FHIT: variants seen among roughly 807,000 people sequenced by gnomAD.
FHIT encodes bis(5'-adenosyl)-triphosphatase.
In FHIT, 19 loss-of-function variants were observed where a neutral mutation model predicts 17.9. The ratio of observed to expected loss-of-function variants is 1.06; its 90% CI spans 0.74 to 1.56. The LOEUF is 1.56. Among genes scored for constraint, FHIT ranks in the 40% most tolerant of loss-of-function variants. The pLI is 0.00. For missense variants in FHIT, 248 were observed against 189.2 expected, an observed-to-expected ratio of 1.31 and a Z score of -1.82; for synonymous variants, 81 against 69.7, an observed-to-expected ratio of 1.16 and a Z score of -0.81.
intron 1 of FHIT, among the ~76,000 whole-genome samples, chr3:61,211,260 G>A (rs995715966): frequency 6.6e-6 from 1 of 151,894 alleles, no homozygotes; most frequent in Non-Finnish European, 1.5e-5. Context: ...TCAAAGAAAG[G>A]GGTGACAGAC....
At chr3:60,682,093 T>C (rs749318176) in intron 4 of FHIT, among the ~76,000 whole-genome samples, 2 of 151,914 alleles carry the variant, frequency 1.3e-5, no homozygotes, top group Non-Finnish European at 2.9e-5. Context: ...TGCCTCAGCC[T>C]CCCAAGTACC....
At chr3:61,246,828 A>G (rs2040497996) in intron 1 of FHIT, among the ~76,000 whole-genome samples, 1 of 152,126 alleles carries the variant, frequency 6.6e-6, no homozygotes, top group African/African-American at 2.4e-5. Context: ...AAACCTGTAC[A>G]TTCTGTACAT....
intron 8 of FHIT, among the ~76,000 whole-genome samples, chr3:59,791,509 G>C (rs1454857967): frequency 6.6e-6 from 1 of 152,116 alleles, no homozygotes; most frequent in Non-Finnish European, 1.5e-5. Flanking sequence ...AATACTATTA[G>C]ACTTTTCAGT....
chr3:60,407,067 ATTTTT>A lies in FHIT; in HGVS notation c.103+129788_103+129792del, dbSNP rs34542104. 8.8e-3 allele frequency among the ~76,000 whole-genome samples: 551 copies of A among 62,896 alleles called. 5 individuals carry two copies. The highest frequency in any genetic ancestry group is 0.034 in the African/African-American group (486 of 14,378). The allele number at this position is 62,896 out of a possible 152,430, so 41.3% of individuals were successfully genotyped here. On this transcript the variant is annotated intron_variant, in intron 5 of 9. Transcript: ENST00000492590. ...GTGAACTACTCAAAGCCTGCCAATA[ATTTTT>A]TTTTTTTTTTTTTTTTTTTTTTGCT...
intron 7 of FHIT, among the ~76,000 whole-genome samples, chr3:59,963,657 G>C (rs1280493824): frequency 6.6e-6 from 1 of 152,160 alleles, no homozygotes; most frequent in South Asian, 2.1e-4. Context: ...AAGTAACTAA[G>C]TTTCAGAAAA....
At chr3:59,978,078 C>T (rs1034526538) in intron 7 of FHIT, among the ~76,000 whole-genome samples, 3 of 152,112 alleles carry the variant, frequency 2.0e-5, no homozygotes, top group African/African-American at 7.2e-5. Flanking sequence ...CTCAGTTCAT[C>T]CTCATAATAA....
intron 5 of FHIT, among the ~76,000 whole-genome samples, chr3:60,532,212 G>T (rs942550485): frequency 5.9e-5 from 9 of 152,164 alleles, no homozygotes; most frequent in African/African-American, 2.2e-4. Flanking sequence ...CACAAATGTT[G>T]CTGTGTCTCC....
chr3:60,053,855 G>T (rs1035675633), intron 5 of FHIT, among the ~76,000 whole-genome samples: 3 of 152,044 alleles, frequency 2.0e-5, no homozygotes, highest in African/African-American at 7.2e-5. Context: ...AACTCCAAAC[G>T]TTCAATAGAG....
At chr3:61,036,901 G>GTCTTTTTTTTTTTTTTTT (rs2033268337) in intron 3 of FHIT, among the ~76,000 whole-genome samples, 1 of 70,310 alleles carries the variant, frequency 1.4e-5, no homozygotes, top group Non-Finnish European at 3.9e-5. Context: ...AGTCTGCTTT[G>GTCTTTTTTTTTTTTTTTT]TTTTTTTTTT....
intron 5 of FHIT, among the ~76,000 whole-genome samples, chr3:60,516,198 G>C (rs914964539): frequency 6.6e-6 from 1 of 152,018 alleles, no homozygotes; most frequent in Admixed American, 6.6e-5. Context: ...TTAATTCCAA[G>C]TTAGAACTAA....
intron 5 of FHIT, among the ~76,000 whole-genome samples, chr3:60,252,449 A>C (rs946727815): frequency 2.0e-5 from 3 of 152,104 alleles, no homozygotes; most frequent in Admixed American, 6.5e-5. Context: ...CTGTAGTCCC[A>C]GCTACTAGAA....
chr3:61,091,815 C>A lies in FHIT; in HGVS notation c.-163-49716G>T, dbSNP rs2035491868. 2.0e-5 allele frequency among the ~76,000 whole-genome samples: 3 copies of A among 151,598 alleles called. No homozygotes were observed. The South Asian group carries it at 6.3e-4, about 32-fold the overall frequency. On this transcript the variant is annotated intron_variant, in intron 2 of 9. Transcript: ENST00000492590. ...TTTAGCTGGGCGTAGTGGCACCCAC[C>A]TGTAGTCCCAGTTACTAGGGAGGTT...
At chr3:59,981,456 C>T (rs181326956) in intron 7 of FHIT, among the ~76,000 whole-genome samples, 139 of 152,280 alleles carry the variant, frequency 9.1e-4, no homozygotes, top group African/African-American at 3.2e-3. Flanking sequence ...TGCCCTTGAA[C>T]TGTGCTCTCT....
At chr3:60,831,417 A>G (rs989865337) in intron 3 of FHIT, among the ~76,000 whole-genome samples, 2 of 152,150 alleles carry the variant, frequency 1.3e-5, no homozygotes, top group Non-Finnish European at 1.5e-5. Context: ...TGGCAGTTCA[A>G]AAAAACTCTT....
chr3:59,986,539 A>T (rs1362702327), intron 7 of FHIT, among the ~76,000 whole-genome samples: 33 of 2,140 alleles, frequency 0.015, no homozygotes, highest in Admixed American at 0.03. Flanking sequence ...ATATATATAT[A>T]TACACACACA....
At chr3:60,622,840 G>A (rs2039172868) in intron 4 of FHIT, among the ~76,000 whole-genome samples, 3 of 152,200 alleles carry the variant, frequency 2.0e-5, no homozygotes, top group Admixed American at 2.0e-4. Flanking sequence ...TTCATCAGTA[G>A]TTTCAGCCTT....
At chr3:60,649,852 G>A (rs1342319599) in intron 4 of FHIT, among the ~76,000 whole-genome samples, 2 of 152,130 alleles carry the variant, frequency 1.3e-5, no homozygotes, top group African/African-American at 2.4e-5. Flanking sequence ...AGGAAGGATA[G>A]CAGGGTAGCA....
intron 4 of FHIT, among the ~76,000 whole-genome samples, chr3:60,605,200 G>A (rs2038572379): frequency 6.6e-6 from 1 of 152,096 alleles, no homozygotes; most frequent in African/African-American, 2.4e-5. Context: ...TATAGCCACA[G>A]CTTTGGTTTG....
At chr3:60,718,301 G>T (rs2041733082) in intron 4 of FHIT, among the ~76,000 whole-genome samples, 1 of 152,198 alleles carries the variant, frequency 6.6e-6, no homozygotes, top group Non-Finnish European at 1.5e-5. Context: ...CAATGTAAAT[G>T]TCATGTCTCG....
Sources: allele counts gnomAD v4.1 joint callset (sites outside exome capture counted in the v4.1 genomes callset), GRCh38; gene constraint gnomAD v4.1.1; transcripts MANE v1.5; gene names NCBI Gene and HGNC (gene_info 2026-07-23, HGNC 2026-07-21).